PRIM2: variants seen among roughly 807,000 people sequenced by gnomAD.
The protein encoded by PRIM2 is DNA primase subunit 2, also known as DNA primase large subunit.
In PRIM2, 39 loss-of-function variants were observed where a neutral mutation model predicts 67.3. That is an observed-to-expected ratio of 0.58 (90% CI 0.45 to 0.76). PRIM2 has a LOEUF of 0.76. Ranked by LOEUF, PRIM2 falls within the 30% of genes least tolerant of loss-of-function variation. The pLI, the probability that PRIM2 is intolerant of heterozygous loss-of-function variation, is 0.00. For synonymous variants in PRIM2, 143 were observed against 198.7 expected (o/e 0.72, Z 2.36); for missense variants, 398 against 598.7 (o/e 0.66, Z 3.50).
chr6:57,438,905 G>A (rs72873557), intron 7 of PRIM2, among the ~76,000 whole-genome samples: 10 of 151,502 alleles, frequency 6.6e-5, no homozygotes, highest in African/African-American at 4.9e-5. Context: ...CCCGAGTAGC[G>A]GCCATGTTGG....
chr6:57,314,281 G>A (rs979308263), upstream of PRIM2, among the ~76,000 whole-genome samples: 1 of 152,206 alleles, frequency 6.6e-6, no homozygotes, highest in Non-Finnish European at 1.5e-5. Context: ...TAGGGAGGCC[G>A]AGGCAGGTGG....
intron 5 of PRIM2, among the ~76,000 whole-genome samples, chr6:57,370,585 C>T (rs1416981422): frequency 8.6e-5 from 13 of 151,694 alleles, no homozygotes; most frequent in African/African-American, 2.9e-4. Context: ...GGCCATGAAA[C>T]AGGAAGTGAC....
intron 10 of PRIM2, among the ~76,000 whole-genome samples, chr6:57,551,471 T>C (rs1775401451): frequency 6.6e-6 from 1 of 152,256 alleles, no homozygotes; most frequent in Non-Finnish European, 1.5e-5. Flanking sequence ...TTAGGCACCC[T>C]AAGAAGTAGA....
At chr6:57,574,246 T>C (rs1775920527) in intron 10 of PRIM2, among the ~76,000 whole-genome samples, 1 of 152,208 alleles carries the variant, frequency 6.6e-6, no homozygotes, top group African/African-American at 2.4e-5. Flanking sequence ...AGCCCTTCAT[T>C]TACATAGGGT....
At chr6:57,552,958 C>A (rs1775433478) in intron 10 of PRIM2, among the ~76,000 whole-genome samples, 1 of 152,026 alleles carries the variant, frequency 6.6e-6, no homozygotes, top group African/African-American at 2.4e-5. Flanking sequence ...TTAAAAATTG[C>A]AAATAAATTG....
intron 7 of PRIM2, among the ~76,000 whole-genome samples, chr6:57,426,991 T>C (rs1771653811): frequency 6.6e-6 from 1 of 152,210 alleles, no homozygotes; most frequent in African/African-American, 2.4e-5. Flanking sequence ...AGTAAGCTAG[T>C]AGAATGTGAT....
At chr6:57,463,450 CT>C in intron 7 of PRIM2, among the ~76,000 whole-genome samples, 1 of 152,282 alleles carries the variant, frequency 6.6e-6, no homozygotes, top group Non-Finnish European at 1.5e-5. Context: ...TGTGATTATA[CT>C]ACTGCAGCCC....
At chr6:57,291,033 A>G in the PRIM2 span, among the ~76,000 whole-genome samples, 19 of 152,180 alleles carry the variant, frequency 1.2e-4, no homozygotes, top group African/African-American at 4.3e-4. Flanking sequence ...AGACACAAAA[A>G]AACCCTTCAA....
intron 10 of PRIM2, among the ~76,000 whole-genome samples, chr6:57,570,207 G>A (rs1409220518): frequency 1.5e-4 from 23 of 152,180 alleles, no homozygotes; most frequent in Non-Finnish European, 3.2e-4. Flanking sequence ...TAATAAAATG[G>A]TAGGAATCTA....
chr6:57,617,896 C>A (rs1312375674), intron 12 of PRIM2, among the ~76,000 whole-genome samples: 1 of 151,978 alleles, frequency 6.6e-6, no homozygotes, highest in African/African-American at 2.4e-5. Context: ...GTCATTGATC[C>A]CTTTTGAGTT....
intron 7 of PRIM2, among the ~76,000 whole-genome samples, chr6:57,392,860 C>A (rs970461491): frequency 2.0e-5 from 3 of 152,038 alleles, no homozygotes; most frequent in African/African-American, 7.2e-5. Context: ...ATCCTCATAG[C>A]ATAGCTCCCA....
intron 12 of PRIM2, among the ~76,000 whole-genome samples, chr6:57,608,131 G>T (rs1478814379): frequency 0.03 from 4,616 of 151,938 alleles, 236 homozygotes; most frequent in African/African-American, 0.1. Context: ...CCTTCTCTTT[G>T]TCAAGCATTA....
intron 5 of PRIM2, among the ~76,000 whole-genome samples, chr6:57,373,436 G>C (rs1769636305): frequency 6.6e-6 from 1 of 151,866 alleles, no homozygotes; most frequent in African/African-American, 2.4e-5. Flanking sequence ...TTCTTTTGCT[G>C]TGCAGAAGCT....
chr6:57,316,894 C>A (rs1474708470), upstream of PRIM2, among the ~76,000 whole-genome samples: 1 of 152,252 alleles, frequency 6.6e-6, no homozygotes, highest in Non-Finnish European at 1.5e-5. Context: ...GATTGCAGAG[C>A]GATTCCTGCG....
At chr6:57,438,655 G>A (rs1206610005) in intron 7 of PRIM2, among the ~76,000 whole-genome samples, 1 of 152,172 alleles carries the variant, frequency 6.6e-6, no homozygotes, top group Non-Finnish European at 1.5e-5. Context: ...TCTATTTAAA[G>A]ACAATGTTCA....
the PRIM2 span, chr6:57,222,330 G>C: frequency 2.6e-5 from 4 of 152,214 alleles, no homozygotes; most frequent in Non-Finnish European, 1.5e-5. Context: ...GTCTGCGCAT[G>C]CTCTGTGCGG....
the PRIM2 span, among the ~76,000 whole-genome samples, chr6:57,241,625 G>A: frequency 6.6e-6 from 1 of 151,838 alleles, no homozygotes; most frequent in African/African-American, 2.4e-5. Context: ...AGAATTGGGG[G>A]GATGGGGAGG....
intron 7 of PRIM2, among the ~76,000 whole-genome samples, chr6:57,478,326 G>GT (rs1266595712): frequency 1.4e-3 from 193 of 133,726 alleles, no homozygotes; most frequent in Middle Eastern, 4.1e-3. Context: ...TTGTGGTTGT[G>GT]TTTTTTTTTT....
intron 10 of PRIM2, among the ~76,000 whole-genome samples, chr6:57,594,633 AC>A (rs1776334693): frequency 3.3e-5 from 5 of 152,230 alleles, no homozygotes; most frequent in Admixed American, 3.3e-4. Flanking sequence ...ATAAAAAAGA[AC>A]TTTGATTCCT....
Sources: gnomAD v4.1 joint callset for allele counts (sites outside exome capture counted in the v4.1 genomes callset) on GRCh38, gnomAD v4.1.1 for gene constraint, MANE v1.5 for transcripts, NCBI Gene and HGNC (gene_info 2026-07-23, HGNC 2026-07-21) for gene names.